The following RBM47 variants were observed in gnomAD, a reference collection of about 807,000 sequenced individuals.
The protein encoded by RBM47 is RNA binding motif protein 47.
A neutral mutation model predicts 47.1 loss-of-function variants in RBM47; 21 were observed. That is an observed-to-expected ratio of 0.45 (90% CI 0.32 to 0.64). The LOEUF (loss-of-function observed/expected upper bound fraction) is 0.64. Ranked by LOEUF, RBM47 falls within the 30% of genes least tolerant of loss-of-function variation. The pLI, the probability that RBM47 is intolerant of heterozygous loss-of-function variation, is 0.05. For missense variants in RBM47, 708 were observed against 870.9 expected (o/e 0.81, Z 2.35); for synonymous variants, 375 against 361.7 (o/e 1.04, Z -0.42).
intron 1 of RBM47, among the ~76,000 whole-genome samples, chr4:40,596,186 G>A (rs982024875): frequency 5.9e-5 from 9 of 152,192 alleles, no homozygotes; most frequent in African/African-American, 2.2e-4. Flanking sequence ...GGAATTTGCT[G>A]GTTTTGTCGA....
rs575519604 is a variant in RBM47 at position 40,534,758 on chromosome 4, C to A, written c.-155+9664G>T. 2.9e-3 allele frequency among the ~76,000 whole-genome samples: 438 copies of A among 152,128 alleles called. 4 individuals carry two copies. The highest frequency in any genetic ancestry group is 9.1e-3 in the African/African-American group (379 of 41,518). On this transcript the variant is annotated intron_variant, in intron 2 of 6. Transcript: ENST00000295971. ...GACCATCCTGGCTAACACGGTGAAACCCCATCTCTACTAAAAATACAAAAA... is the reference window on the plus strand; with the variant it reads ...GACCATCCTGGCTAACACGGTGAAAACCCATCTCTACTAAAAATACAAAAA...
chr4:40,463,014 C>G (rs1293867696), intron 3 of RBM47, among the ~76,000 whole-genome samples: 2 of 152,026 alleles, frequency 1.3e-5, no homozygotes, highest in African/African-American at 4.8e-5. Context: ...AAAAGGCAAC[C>G]CACAGTGTAG....
rs138635480 is a variant in RBM47 at position 40,621,011 on chromosome 4, A to C, written c.-240+8385T>G. 7.3e-3 allele frequency among the ~76,000 whole-genome samples: 1,114 copies of C among 152,198 alleles called. 5 individuals carry two copies. Among genetic ancestry groups the C allele is most frequent in the Non-Finnish European group, 0.012 (785 of 68,014 alleles). ...ATCAATTTAGAAGGAAACAAACAAA[A>C]AAAAAAAACCCAAAATCCAAATAAT... On this transcript the variant is annotated intron_variant, in intron 1 of 6. Coordinates refer to ENST00000295971, the MANE Select transcript of RBM47 (RefSeq NM_001098634.2).
intron 1 of RBM47, among the ~76,000 whole-genome samples, chr4:40,618,736 G>T (rs1295849157): frequency 1.4e-5 from 2 of 147,790 alleles, no homozygotes; most frequent in African/African-American, 5.0e-5. Flanking sequence ...TTGAACCTGG[G>T]AGGTAGAGGT....
rs547954423 is a variant in RBM47, at chr4:40,466,023, T to C, written c.-32+554A>G. On this transcript the variant is annotated intron_variant, in intron 3 of 6. Transcript: ENST00000295971. ...GGCTCATGTCCGTAATCCCAGGACT[T>C]TGGGAGGCTGAGGTGGGTGAATCTC... Among the ~76,000 whole-genome samples, 49 of 152,102 alleles carry C rather than the reference T, an allele frequency of 3.2e-4. 1 individual carries two copies. Among genetic ancestry groups the C allele is most frequent in the African/African-American group, 1.1e-3 (47 of 41,502 alleles).
chr4:40,616,939 G>A (rs1436193978), intron 1 of RBM47, among the ~76,000 whole-genome samples: 2 of 144,776 alleles, frequency 1.4e-5, no homozygotes, highest in Admixed American at 7.1e-5. Context: ...GCAGTGGCGC[G>A]ATCTTGGCTC....
chr4:40,607,615 G>A (rs1735881476), intron 1 of RBM47, among the ~76,000 whole-genome samples: 1 of 152,210 alleles, frequency 6.6e-6, no homozygotes. Context: ...GCTGCATTGG[G>A]AGGATTGCTT....
chr4:40,459,132 G>A (rs1035269323), intron 3 of RBM47, among the ~76,000 whole-genome samples: 2 of 152,134 alleles, frequency 1.3e-5, no homozygotes, highest in Admixed American at 1.3e-4. Context: ...TTTATGCATT[G>A]TTTGAAATGT....
intron 2 of RBM47, among the ~76,000 whole-genome samples, chr4:40,490,195 G>C (rs148085029): frequency 1.0e-3 from 159 of 152,080 alleles, no homozygotes; most frequent in Non-Finnish European, 1.9e-3. Flanking sequence ...AAGACTGAAT[G>C]CTCTCCCCAT....
intron 1 of RBM47, among the ~76,000 whole-genome samples, chr4:40,571,837 G>A (rs1007877126): frequency 1.3e-5 from 2 of 151,272 alleles, no homozygotes; most frequent in African/African-American, 4.9e-5. Flanking sequence ...TGGCCAATAT[G>A]GTGAAACCCC....
chr4:40,439,939 T>A (rs1305591492), intron 3 of RBM47, among the ~76,000 whole-genome samples: 2 of 152,220 alleles, frequency 1.3e-5, no homozygotes, highest in African/African-American at 4.8e-5. Flanking sequence ...TACTGAGCAC[T>A]TGGAATGGGG....
At chr4:40,600,059 G>T (rs1735104111) in intron 1 of RBM47, among the ~76,000 whole-genome samples, 1 of 151,972 alleles carries the variant, frequency 6.6e-6, no homozygotes, top group Admixed American at 6.6e-5. Flanking sequence ...CCAGGCTGGA[G>T]TCCACTGGCG....
At chr4:40,540,632 CTG>C (rs1728421689) in intron 2 of RBM47, among the ~76,000 whole-genome samples, 1 of 125,818 alleles carries the variant, frequency 7.9e-6, no homozygotes, top group Admixed American at 8.0e-5. Context: ...GAGTGAAACT[CTG>C]TCTCAAAAAA....
intron 1 of RBM47, among the ~76,000 whole-genome samples, chr4:40,600,695 T>G (rs1172105158): frequency 1.4e-5 from 2 of 147,466 alleles, no homozygotes; most frequent in African/African-American, 5.0e-5. Flanking sequence ...AAAGAAGATT[T>G]CAAGGCCGGA....
chr4:40,626,059 AGC>A (rs1233695675), intron 1 of RBM47, among the ~76,000 whole-genome samples: 1 of 152,240 alleles, frequency 6.6e-6, no homozygotes, highest in East Asian at 1.9e-4. Context: ...TTACGTGATC[AGC>A]TTATTTATGT....
intron 2 of RBM47, among the ~76,000 whole-genome samples, chr4:40,476,685 C>A (rs1719654168): frequency 6.6e-6 from 1 of 151,966 alleles, no homozygotes; most frequent in Non-Finnish European, 1.5e-5. Flanking sequence ...TCAGTTCAGG[C>A]AATTGGGAGG....
intron 6 of RBM47, 110 bp from the exon 7 acceptor site, chr4:40,426,253 G>C: frequency 7.1e-7 from 1 of 1,412,272 alleles, no homozygotes; most frequent in Non-Finnish European, 9.5e-7. Context: ...ACAAAAGCAA[G>C]GGAGAGAAAG....
chr4:40,524,886 A>C (rs1203247328), intron 2 of RBM47, among the ~76,000 whole-genome samples: 1 of 152,212 alleles, frequency 6.6e-6, no homozygotes, highest in Non-Finnish European at 1.5e-5. Flanking sequence ...ATCTGTACCA[A>C]CCAAAACAAA....
At chr4:40,602,399 C>G (rs920511167) in intron 1 of RBM47, among the ~76,000 whole-genome samples, 1 of 151,940 alleles carries the variant, frequency 6.6e-6, no homozygotes, top group Admixed American at 6.6e-5. Context: ...CCTGTAATCC[C>G]AGCACTTTGG....
Sources: allele counts gnomAD v4.1 joint callset (sites outside exome capture counted in the v4.1 genomes callset), GRCh38; gene constraint gnomAD v4.1.1; transcripts MANE v1.5; gene names NCBI Gene and HGNC (gene_info 2026-07-23, HGNC 2026-07-21).